The following TACC2 variants were observed in gnomAD, a reference collection of about 807,000 sequenced individuals.
TACC2 encodes the protein transforming acidic coiled-coil-containing protein 2.
A neutral mutation model predicts 227.3 loss-of-function variants in TACC2; 137 were observed. The observed-to-expected ratio is 0.60, with a 90% CI of 0.52 to 0.69. The LOEUF (loss-of-function observed/expected upper bound fraction) is 0.69. Ranked by LOEUF, TACC2 falls within the 30% of genes least tolerant of loss-of-function variation. TACC2 has a pLI of 0.00. For synonymous variants in TACC2, 1,523 were observed against 1,487.5 expected (o/e 1.02, Z -0.55); for missense variants, 3,470 against 3,694.4 (o/e 0.94, Z 1.57).
At chr10:122,237,591 T>C in intron 17 of TACC2, 53 bp downstream of exon 17, 1 of 1,574,150 alleles carries the variant, frequency 6.4e-7, no homozygotes, top group Non-Finnish European at 8.6e-7. Context: ...TAAATACGTA[T>C]GCTCGTGGTC....
At chr10:121,991,623 G>A (rs939045631) in intron 1 of TACC2, among the ~76,000 whole-genome samples, 8 of 152,216 alleles carry the variant, frequency 5.3e-5, no homozygotes, top group African/African-American at 1.7e-4. Context: ...GTTGCTGTAT[G>A]GTGGCACCAT....
At chr10:122,068,388 A>C (rs1439092335) in intron 3 of TACC2, among the ~76,000 whole-genome samples, 2 of 152,058 alleles carry the variant, frequency 1.3e-5, no homozygotes, top group East Asian at 3.9e-4. Flanking sequence ...TGTGGACTTT[A>C]AGCTTTTTGG....
chr10:122,189,771 G>A (rs1485496112), intron 7 of TACC2, among the ~76,000 whole-genome samples: 1 of 152,212 alleles, frequency 6.6e-6, no homozygotes, highest in Non-Finnish European at 1.5e-5. Flanking sequence ...CAGGATGAGT[G>A]TTGTATTTAG....
chr10:122,252,090 T>C (rs975616532), intron 22 of TACC2, among the ~76,000 whole-genome samples: 1 of 152,250 alleles, frequency 6.6e-6, no homozygotes, highest in Non-Finnish European at 1.5e-5. Context: ...TGGTGGCTGA[T>C]GACGCCAAGA....
chr10:121,993,826 G>T (rs1953147074), intron 1 of TACC2, among the ~76,000 whole-genome samples: 2 of 151,996 alleles, frequency 1.3e-5, no homozygotes, highest in South Asian at 4.2e-4. Context: ...ACTCTACAAG[G>T]TCCCTCTGTG....
intron 5 of TACC2, among the ~76,000 whole-genome samples, chr10:122,099,321 T>A (rs2081876669): frequency 6.6e-6 from 1 of 152,174 alleles, no homozygotes; most frequent in Non-Finnish European, 1.5e-5. Flanking sequence ...GGCTTAAGTC[T>A]CAACCCCAGA....
At chr10:122,075,661 C>A (rs779452983) in intron 3 of TACC2, among the ~76,000 whole-genome samples, 1 of 152,236 alleles carries the variant, frequency 6.6e-6, no homozygotes, top group Non-Finnish European at 1.5e-5. Flanking sequence ...ATCCTCTCAT[C>A]TCCACCACAG....
chr10:122,188,367 C>T (rs921065832), intron 7 of TACC2, among the ~76,000 whole-genome samples: 8 of 152,278 alleles, frequency 5.3e-5, no homozygotes, highest in African/African-American at 1.9e-4. Flanking sequence ...ACAACCTCTG[C>T]CTCCCGGGTT....
At chr10:122,139,942 T>G (rs760557886) in intron 6 of TACC2, among the ~76,000 whole-genome samples, 12 of 152,182 alleles carry the variant, frequency 7.9e-5, no homozygotes, top group Admixed American at 2.0e-4. Flanking sequence ...GAAATGAAAT[T>G]TGCTATCAGT....
At chr10:122,208,255 T>C (rs2095191845) in intron 8 of TACC2, among the ~76,000 whole-genome samples, 1 of 152,130 alleles carries the variant, frequency 6.6e-6, no homozygotes, top group African/African-American at 2.4e-5. Context: ...AATGATGCTT[T>C]CAATCCAAGC....
At chr10:122,242,324 T>C (rs1207884530) in intron 19 of TACC2, among the ~76,000 whole-genome samples, 1 of 152,124 alleles carries the variant, frequency 6.6e-6, no homozygotes, top group Non-Finnish European at 1.5e-5. Flanking sequence ...TTGGGGGATT[T>C]TTTCTTTTCG....
In TACC2 at chr10:122,050,427, T is replaced by A; in HGVS notation, c.34-11T>A. 1 of 1,608,302 alleles carries A rather than the reference T, an allele frequency of 6.2e-7. No individual in the cohort carries two copies. The highest frequency in any genetic ancestry group is 8.5e-7 in the Non-Finnish European group (1 of 1,176,540). On this transcript the variant is annotated splice_polypyrimidine_tract_variant and intron_variant, in intron 2 of 22. Coordinates refer to ENST00000369005, the MANE Select transcript of TACC2 (RefSeq NM_206862.4). The surrounding 1 kb of genome is among the most constrained non-coding windows in gnomAD (Gnocchi z 4.6). ...TGATTTCCTTTCCAATTTCTTTTTCTCCTGGCTCAGAGGACTTTATCAGCT... is the reference window on the plus strand; with the variant it reads ...TGATTTCCTTTCCAATTTCTTTTTCACCTGGCTCAGAGGACTTTATCAGCT...
chr10:122,027,408 C>T (rs1294161729), intron 2 of TACC2, among the ~76,000 whole-genome samples: 3 of 152,014 alleles, frequency 2.0e-5, no homozygotes, highest in Non-Finnish European at 4.4e-5. Context: ...TTCTTATTCT[C>T]TTGAGGTTGA....
chr10:122,107,881 T>TA (rs1491172357), intron 5 of TACC2, among the ~76,000 whole-genome samples: 72 of 55,906 alleles, frequency 1.3e-3, no homozygotes, highest in Middle Eastern at 0.011. Context: ...TATATATATA[T>TA]TTTTTTTTTC....
At chr10:122,159,231 G>A (rs1384496306) in intron 7 of TACC2, among the ~76,000 whole-genome samples, 2 of 152,232 alleles carry the variant, frequency 1.3e-5, no homozygotes, top group Non-Finnish European at 2.9e-5. Context: ...AAGCCAGGAG[G>A]TCGGATTGGG....
rs182081648 is a variant in TACC2 at position 122,147,464 on chromosome 10, A to G, written c.5834+3758A>G. 2.0e-5 allele frequency among the ~76,000 whole-genome samples: 3 copies of G among 151,992 alleles called. No homozygotes were observed. The East Asian group carries it at 5.8e-4, about 29-fold the overall frequency. ...CCCGCCAAGTTCCTTTTTTTCCCCC[A>G]TTTCAGTACTGTCGTCTGTGGAAGG... On this transcript the variant is annotated intron_variant, in intron 7 of 22. Coordinates refer to ENST00000369005, the MANE Select transcript of TACC2 (RefSeq NM_206862.4).
chr10:122,248,826 C>CG, intron 20 of TACC2, 23 bp downstream of exon 20: 2 of 1,613,516 alleles, frequency 1.2e-6, no homozygotes, highest in Non-Finnish European at 1.7e-6. Flanking sequence ...TTGGGGGCCA[C>CG]GGAGGAGGAG....
chr10:122,240,509 T>C (rs1379070922), intron 18 of TACC2, among the ~76,000 whole-genome samples: 1 of 152,190 alleles, frequency 6.6e-6, no homozygotes, highest in Non-Finnish European at 1.5e-5. Context: ...TTTACCCTTA[T>C]TGAATTTCCC....
intron 19 of TACC2, chr10:122,246,503 C>T (rs1475622920): frequency 6.6e-6 from 1 of 152,168 alleles, no homozygotes; most frequent in African/African-American, 2.4e-5. Context: ...TACATGGGGC[C>T]CGTGTAGAGA....
Sources: gnomAD v4.1 joint callset for allele counts (sites outside exome capture counted in the v4.1 genomes callset) on GRCh38, gnomAD v4.1.1 for gene constraint, Gnocchi (gnomAD v3.1) non-coding constraint, MANE v1.5 for transcripts, NCBI Gene and HGNC (gene_info 2026-07-23, HGNC 2026-07-21) for gene names.